ESRRG: variants seen among roughly 807,000 people sequenced by gnomAD.
ESRRG encodes the protein estrogen-related receptor gamma.
In ESRRG, 13 loss-of-function variants were observed where a neutral mutation model predicts 44.0. The observed-to-expected ratio is 0.30, with a 90% CI of 0.19 to 0.47. The LOEUF is 0.47. ESRRG is among the 20% of genes least tolerant of loss of function. The pLI is 1.00. For synonymous variants in ESRRG, 215 were observed against 214.6 expected (o/e 1.00, Z -0.02); for missense variants, 395 against 580.6 (o/e 0.68, Z 3.29).
intron 1 of ESRRG, among the ~76,000 whole-genome samples, chr1:216,962,020 A>G (rs1378787665): frequency 1.3e-5 from 2 of 152,012 alleles, no homozygotes; most frequent in African/African-American, 2.4e-5. Context: ...TTCTAACCCT[A>G]TAGTCACACA....
intron 1 of ESRRG, among the ~76,000 whole-genome samples, chr1:216,980,263 G>C (rs1031771264): frequency 6.6e-6 from 1 of 152,160 alleles, no homozygotes; most frequent in Non-Finnish European, 1.5e-5. Context: ...CATGTCTGCT[G>C]CTGATACTTG....
chr1:217,001,100 A>G (rs1287425069), intron 1 of ESRRG, among the ~76,000 whole-genome samples: 1 of 152,244 alleles, frequency 6.6e-6, no homozygotes, highest in African/African-American at 2.4e-5. Flanking sequence ...ACTCTGAGTG[A>G]AAAAATTTGT....
rs562052461 is a variant in ESRRG, at chr1:217,065,643, G to C, written c.-106+23864C>G. Among the ~76,000 whole-genome samples the C allele has an allele frequency of 2.0e-5, 3 of 152,318 alleles. No individual in the cohort carries two copies. In the East Asian group the frequency reaches 5.8e-4, roughly 29 times the overall value. On this transcript the variant is annotated intron_variant, in intron 1 of 7. Coordinates refer to the ESRRG transcript ENST00000359162. ...ACAAGACTGAGCCACACTGGATACT[G>C]TCTGCCATTTACACACAACCTGAAG...
chr1:216,805,925 C>T (rs915326391), intron 2 of ESRRG, among the ~76,000 whole-genome samples: 2 of 152,108 alleles, frequency 1.3e-5, no homozygotes, highest in Non-Finnish European at 2.9e-5. Context: ...GACTAGAAGG[C>T]TGTTATAACT....
intron 2 of ESRRG, among the ~76,000 whole-genome samples, chr1:216,907,636 A>G (rs1303154062): frequency 6.6e-6 from 1 of 152,194 alleles, no homozygotes; most frequent in Non-Finnish European, 1.5e-5. Context: ...TAGCTCACAG[A>G]CTTGAAATCA....
At chr1:216,573,807 C>T (rs1001397796) in intron 3 of ESRRG, among the ~76,000 whole-genome samples, 6 of 151,808 alleles carry the variant, frequency 4.0e-5, no homozygotes, top group Admixed American at 6.6e-5. Flanking sequence ...AAGTACACAA[C>T]ACAAAGTTAA....
At chr1:216,937,647 G>C (rs573872384) in intron 2 of ESRRG, among the ~76,000 whole-genome samples, 2 of 152,126 alleles carry the variant, frequency 1.3e-5, no homozygotes, top group East Asian at 3.9e-4. Flanking sequence ...GGGGAGGAAG[G>C]GGGGAAGAAA....
intron 2 of ESRRG, among the ~76,000 whole-genome samples, chr1:216,900,802 G>C (rs2058979755): frequency 6.6e-6 from 1 of 152,112 alleles, no homozygotes; most frequent in African/African-American, 2.4e-5. Flanking sequence ...TCTTTAAATT[G>C]CAAAGTGTAC....
chr1:216,652,255 T>C (rs1050294058), intron 2 of ESRRG, among the ~76,000 whole-genome samples: 1 of 152,166 alleles, frequency 6.6e-6, no homozygotes, highest in Non-Finnish European at 1.5e-5. Context: ...TTCTAGTAAT[T>C]AGCATAGAGT....
chr1:216,926,144 G>C (rs750562820), intron 2 of ESRRG, among the ~76,000 whole-genome samples: 11 of 152,198 alleles, frequency 7.2e-5, no homozygotes, highest in Non-Finnish European at 1.6e-4. Flanking sequence ...ACCCAAAGGA[G>C]CACCTCGGGC....
At chr1:216,585,744 T>C (rs1201927641) in intron 3 of ESRRG, among the ~76,000 whole-genome samples, 1 of 152,136 alleles carries the variant, frequency 6.6e-6, no homozygotes, top group Non-Finnish European at 1.5e-5. Context: ...CAATAAAAAG[T>C]ACATTAAAAT....
chr1:217,093,820 C>T (rs1057504378), upstream of ESRRG, among the ~76,000 whole-genome samples: 5 of 151,244 alleles, frequency 3.3e-5, no homozygotes, highest in Admixed American at 6.6e-5. Context: ...AAAAACCCTA[C>T]ACTTTACAAA....
chr1:217,011,862 C>T (rs1222818121), intron 1 of ESRRG, among the ~76,000 whole-genome samples: 1 of 152,104 alleles, frequency 6.6e-6, no homozygotes, highest in Non-Finnish European at 1.5e-5. Flanking sequence ...TAGTACTTAC[C>T]TAATTTGAAC....
chr1:216,773,497 A>G (rs943118308), intron 2 of ESRRG, among the ~76,000 whole-genome samples: 4 of 152,160 alleles, frequency 2.6e-5, no homozygotes, highest in Non-Finnish European at 5.9e-5. Context: ...AAAATTGTCA[A>G]TTGTAGTCAA....
At chr1:216,554,129 G>C (rs1433680608) in intron 5 of ESRRG, among the ~76,000 whole-genome samples, 1 of 152,070 alleles carries the variant, frequency 6.6e-6, no homozygotes, top group African/African-American at 2.4e-5. Flanking sequence ...TAAGAGTCTA[G>C]TGCTGTGGAC....
intron 1 of ESRRG, among the ~76,000 whole-genome samples, chr1:217,131,069 T>A (rs1400452896): frequency 1.3e-5 from 2 of 152,134 alleles, no homozygotes; most frequent in Admixed American, 1.3e-4. Context: ...TTAAAGCAAT[T>A]AAAGGCAGAT....
chr1:216,925,340 G>C (rs924043554), intron 2 of ESRRG, among the ~76,000 whole-genome samples: 2 of 152,124 alleles, frequency 1.3e-5, no homozygotes, highest in African/African-American at 4.8e-5. Context: ...GGGAGGCTGA[G>C]GAAGGAAAAT....
intron 2 of ESRRG, among the ~76,000 whole-genome samples, chr1:216,915,259 C>CAAAG (rs2061005328): frequency 6.6e-6 from 1 of 152,168 alleles, no homozygotes; most frequent in Non-Finnish European, 1.5e-5. Context: ...AAAGAAGATA[C>CAAAG]ATAAAGCAGC....
rs569238366 is a variant in ESRRG, at chr1:216,716,543, C to T, written c.56+6701G>A. Among the ~76,000 whole-genome samples the T allele has an allele frequency of 2.0e-5, 3 of 151,788 alleles. No individual in the cohort carries two copies. The South Asian group carries it at 6.3e-4, about 32-fold the overall frequency. ...GTTTTCTTTGGCTAGGTAAGTCCTG[C>T]CAAAGCATATTACACATAATGTGTA... is the stretch of plus-strand genomic sequence containing the variant. On this transcript the variant is annotated intron_variant, in intron 1 of 6. Coordinates refer to ENST00000408911, the MANE Select transcript of ESRRG (RefSeq NM_001438.4).
Sources: allele counts gnomAD v4.1 joint callset (sites outside exome capture counted in the v4.1 genomes callset), GRCh38; gene constraint gnomAD v4.1.1; transcripts MANE v1.5; gene names NCBI Gene and HGNC (gene_info 2026-07-23, HGNC 2026-07-21).